Variants in SYNPR observed in about 807,000 individuals in gnomAD.
SYNPR encodes the protein synaptoporin.
In SYNPR, 23 loss-of-function variants were observed where a neutral mutation model predicts 32.9. The observed-to-expected ratio is 0.70, with a 90% CI of 0.50 to 0.99. The LOEUF is 0.99. Among genes scored for constraint, SYNPR ranks in the 50% least tolerant of loss-of-function variants. The probability of loss-of-function intolerance (pLI) is 0.00; values close to 1 mark genes in which losing one functional copy is unlikely to be tolerated. For missense variants in SYNPR, 318 were observed against 349.3 expected (o/e 0.91, Z 0.71); for synonymous variants, 146 against 135.9 (o/e 1.07, Z -0.52).
chr3:63,480,769 A>AT (rs776965943), intron 2 of SYNPR, 63 bp from the exon 3 acceptor site: 1 of 1,572,998 alleles, frequency 6.4e-7, no homozygotes, highest in Non-Finnish European at 8.7e-7. Flanking sequence ...TCCTTTTGAT[A>AT]TATCTCATTA....
rs141338107 is a variant in SYNPR at position 63,502,899 on chromosome 3, G to A, written c.209+21943G>A. ...ACAAAAGGACATCTAAGTTGCTTCC[G>A]AGTCTCTAGGATTATGAATGAAGCT... On this transcript the variant is annotated intron_variant, in intron 3 of 5. Transcript: ENST00000478300. Among the ~76,000 whole-genome samples, 15 of 152,158 alleles carry A rather than the reference G, an allele frequency of 9.9e-5. No homozygotes were observed. In the East Asian group the frequency reaches 2.9e-3, roughly 29 times the overall value.
At chr3:63,365,461 G>T (rs1027658284) in intron 2 of SYNPR, among the ~76,000 whole-genome samples, 1 of 152,118 alleles carries the variant, frequency 6.6e-6, no homozygotes, top group Non-Finnish European at 1.5e-5. Context: ...TACATTGTAG[G>T]TGTCTACATA....
chr3:63,201,435 G>A, the SYNPR span, among the ~76,000 whole-genome samples: 1 of 152,260 alleles, frequency 6.6e-6, no homozygotes, highest in Non-Finnish European at 1.5e-5. Context: ...ATGTGTCTCT[G>A]TGGGACAGAC....
At chr3:63,228,559 A>G (rs2086146050) in intron 1 of SYNPR, among the ~76,000 whole-genome samples, 1 of 152,144 alleles carries the variant, frequency 6.6e-6, no homozygotes, top group African/African-American at 2.4e-5. Flanking sequence ...CTATTCAGAT[A>G]GTTTCTACCT....
intron 2 of SYNPR, among the ~76,000 whole-genome samples, chr3:63,348,848 G>GT (rs943599799): frequency 2.0e-5 from 3 of 152,138 alleles, no homozygotes; most frequent in Non-Finnish European, 4.4e-5. Context: ...TAGATATGTA[G>GT]TTTCTTTTCT....
intron 3 of SYNPR, among the ~76,000 whole-genome samples, chr3:63,520,315 C>A (rs1701881713): frequency 6.6e-6 from 1 of 152,162 alleles, no homozygotes. Context: ...GATTGTCTAA[C>A]CATCTTCCAG....
chr3:63,266,121 A>T (rs763032707), intron 2 of SYNPR, among the ~76,000 whole-genome samples: 1 of 152,266 alleles, frequency 6.6e-6, no homozygotes, highest in South Asian at 2.1e-4. Context: ...ATCCAAGTGA[A>T]CAAAATAATA....
intron 2 of SYNPR, among the ~76,000 whole-genome samples, chr3:63,425,908 G>T (rs546980876): frequency 2.0e-5 from 3 of 151,504 alleles, no homozygotes; most frequent in African/African-American, 7.3e-5. Flanking sequence ...TCAGCCTCCT[G>T]AGTAGCTGGG....
intron 1 of SYNPR, among the ~76,000 whole-genome samples, chr3:63,234,817 C>A (rs955787288): frequency 1.3e-5 from 2 of 152,140 alleles, no homozygotes; most frequent in Non-Finnish European, 2.9e-5. Flanking sequence ...TATTTGTTAA[C>A]AGGATATGAC....
At chr3:63,559,281 T>C (rs577123410) in intron 4 of SYNPR, among the ~76,000 whole-genome samples, 1 of 152,226 alleles carries the variant, frequency 6.6e-6, no homozygotes, top group East Asian at 1.9e-4. Context: ...TTTTACCATG[T>C]TGCCCAGGCT....
At chr3:63,442,212 G>GA (rs1553636496) in intron 2 of SYNPR, among the ~76,000 whole-genome samples, 1 of 106,378 alleles carries the variant, frequency 9.4e-6, no homozygotes, top group Non-Finnish European at 2.0e-5. Flanking sequence ...AGAGAGAGAA[G>GA]GAGACAGAGA....
intron 2 of SYNPR, among the ~76,000 whole-genome samples, chr3:63,262,654 G>A (rs531611798): frequency 1.1e-4 from 16 of 152,238 alleles, no homozygotes; most frequent in Admixed American, 2.6e-4. Context: ...GATGGGGACC[G>A]TGCCAAAGCC....
At chr3:63,230,026 A>G (rs901256596) in intron 1 of SYNPR, among the ~76,000 whole-genome samples, 5 of 152,262 alleles carry the variant, frequency 3.3e-5, no homozygotes, top group African/African-American at 9.6e-5. Context: ...ACCATGCATT[A>G]CATAACCCAG....
intron 3 of SYNPR, among the ~76,000 whole-genome samples, chr3:63,552,415 TA>T (rs1305345798): frequency 1.3e-5 from 2 of 152,348 alleles, no homozygotes; most frequent in East Asian, 3.9e-4. Context: ...AAAGGGGCTC[TA>T]TGATATAACC....
chr3:63,208,495 C>G, the SYNPR span, among the ~76,000 whole-genome samples: 1 of 152,326 alleles, frequency 6.6e-6, no homozygotes, highest in African/African-American at 2.4e-5. Flanking sequence ...CCACAGTCAT[C>G]TGGTTTGTCC....
chr3:63,528,040 C>G (rs1204690665), intron 3 of SYNPR, among the ~76,000 whole-genome samples: 2 of 152,160 alleles, frequency 1.3e-5, no homozygotes, highest in African/African-American at 4.8e-5. Flanking sequence ...TCTCTCACCT[C>G]CTTCCCACAT....
intron 2 of SYNPR, among the ~76,000 whole-genome samples, chr3:63,332,681 G>A (rs1464667039): frequency 6.6e-6 from 1 of 152,122 alleles, no homozygotes. Flanking sequence ...TGGAATATAG[G>A]TTCCATCATC....
chr3:63,602,453 T>C (rs1284836985), intron 4 of SYNPR, among the ~76,000 whole-genome samples: 1 of 152,154 alleles, frequency 6.6e-6, no homozygotes, highest in African/African-American at 2.4e-5. Flanking sequence ...ATTTCCTAGG[T>C]TATCTTCTAG....
chr3:63,455,492 A>G (rs1192735415), intron 2 of SYNPR, among the ~76,000 whole-genome samples: 2 of 152,050 alleles, frequency 1.3e-5, no homozygotes, highest in Non-Finnish European at 2.9e-5. Context: ...TTTTTCCCCC[A>G]ACTATGTTTG....
Sources: gnomAD v4.1 joint callset for allele counts (sites outside exome capture counted in the v4.1 genomes callset) on GRCh38, gnomAD v4.1.1 for gene constraint, MANE v1.5 for transcripts, NCBI Gene and HGNC (gene_info 2026-07-23, HGNC 2026-07-21) for gene names.